Variants in ESR1 observed in about 807,000 individuals in gnomAD.
ESR1 encodes the protein estrogen receptor.
ESR1 carries 12 observed loss-of-function variants against 52.7 expected under a neutral mutation model. That is an observed-to-expected ratio of 0.23 (90% CI 0.15 to 0.37). The LOEUF (loss-of-function observed/expected upper bound fraction) is 0.37, where lower values mean the gene tolerates loss of function less well. ESR1 is among the 10% of genes least tolerant of loss of function. The pLI is 1.00. For missense variants in ESR1, 584 were observed against 779.7 expected (o/e 0.75, Z 2.99); for synonymous variants, 305 against 316.8 (o/e 0.96, Z 0.39).
intron 2 of ESR1, among the ~76,000 whole-genome samples, chr6:151,766,845 A>G (rs951138000): frequency 4.6e-5 from 7 of 152,192 alleles, no homozygotes; most frequent in Admixed American, 4.6e-4. Context: ...TACTTACATT[A>G]CCTTCTGTAA....
At chr6:151,922,047 A>C (rs2031797359) in intron 3 of ESR1, among the ~76,000 whole-genome samples, 1 of 152,080 alleles carries the variant, frequency 6.6e-6, no homozygotes, top group Non-Finnish European at 1.5e-5. Flanking sequence ...ATTTTCTTCT[A>C]GGGGACTTCA....
At chr6:151,697,400 T>C (rs954556880) in intron 1 of ESR1, among the ~76,000 whole-genome samples, 12 of 152,360 alleles carry the variant, frequency 7.9e-5, no homozygotes, top group African/African-American at 2.9e-4. Flanking sequence ...GTGCCCCATC[T>C]TCCTAACTGT....
At chr6:151,928,612 GT>G (rs1246291662) in intron 3 of ESR1, among the ~76,000 whole-genome samples, 8 of 151,692 alleles carry the variant, frequency 5.3e-5, no homozygotes, top group East Asian at 3.9e-4. Context: ...AGCTTATCTA[GT>G]TTTTTTCTTC....
intron 3 of ESR1, among the ~76,000 whole-genome samples, chr6:151,896,286 G>A (rs1795495863): frequency 6.6e-6 from 1 of 152,190 alleles, no homozygotes; most frequent in South Asian, 2.1e-4. Context: ...GTGTCTGGTA[G>A]AATTCAGCTG....
intron 2 of ESR1, among the ~76,000 whole-genome samples, chr6:151,730,857 T>C (rs890288590): frequency 6.6e-6 from 1 of 152,210 alleles, no homozygotes; most frequent in African/African-American, 2.4e-5. Flanking sequence ...TTTTGCATGA[T>C]TTTTAATATG....
At chr6:151,809,785 CTT>C (rs1778510856) in intron 1 of ESR1, among the ~76,000 whole-genome samples, 1 of 152,098 alleles carries the variant, frequency 6.6e-6, no homozygotes, top group Non-Finnish European at 1.5e-5. Flanking sequence ...ATGAACAAAA[CTT>C]TTAAAGGTTG....
chr6:152,039,977 A>T (rs1416062389), intron 5 of ESR1, among the ~76,000 whole-genome samples: 1 of 152,140 alleles, frequency 6.6e-6, no homozygotes, highest in African/African-American at 2.4e-5. Flanking sequence ...AAGTCCATGG[A>T]TGGTAGTCTT....
chr6:151,830,875 T>C (rs947324486), intron 1 of ESR1, among the ~76,000 whole-genome samples: 2 of 152,180 alleles, frequency 1.3e-5, no homozygotes, highest in Non-Finnish European at 2.9e-5. Context: ...TCTTTGTGCA[T>C]AAAGAATTTC....
chr6:151,871,393 A>G (rs966280111), intron 2 of ESR1, among the ~76,000 whole-genome samples: 6 of 151,720 alleles, frequency 4.0e-5, no homozygotes, highest in Non-Finnish European at 8.8e-5. Flanking sequence ...GAAGCTCTGT[A>G]CTTATTTTTT....
At chr6:152,067,387 A>G (rs1268083813) in intron 6 of ESR1, among the ~76,000 whole-genome samples, 2 of 152,222 alleles carry the variant, frequency 1.3e-5, no homozygotes. Flanking sequence ...GCCATTTTCC[A>G]TTCACATTCA....
chr6:152,024,624 A>G (rs2043968540), intron 5 of ESR1, among the ~76,000 whole-genome samples: 1 of 148,630 alleles, frequency 6.7e-6, no homozygotes, highest in African/African-American at 2.4e-5. Flanking sequence ...TGCCACGTGC[A>G]GGGTTAAAAA....
chr6:151,686,839 G>A (rs1778709320), upstream of ESR1, among the ~76,000 whole-genome samples: 2 of 152,106 alleles, frequency 1.3e-5, no homozygotes. Flanking sequence ...TGGTAATAAG[G>A]GCTATAGAAG....
chr6:152,020,394 A>G (rs968437507), intron 5 of ESR1, among the ~76,000 whole-genome samples: 25 of 152,088 alleles, frequency 1.6e-4, no homozygotes, highest in African/African-American at 5.6e-4. Flanking sequence ...ACCAATGCCA[A>G]TGTGTTAGTA....
chr6:151,757,229 C>T (rs1294829534), intron 2 of ESR1, among the ~76,000 whole-genome samples: 3 of 78,222 alleles, frequency 3.8e-5, no homozygotes, highest in Admixed American at 1.3e-4. Context: ...GCTATTTTAA[C>T]GTTCCATTAA....
chr6:151,930,661 A>G (rs2033457870), intron 3 of ESR1, among the ~76,000 whole-genome samples: 1 of 152,032 alleles, frequency 6.6e-6, no homozygotes, highest in Non-Finnish European at 1.5e-5. Context: ...CAAGTTTCTG[A>G]CTTATATCAC....
At chr6:151,668,223 A>G (rs1777898203) in intron 1 of ESR1, among the ~76,000 whole-genome samples, 1 of 152,242 alleles carries the variant, frequency 6.6e-6, no homozygotes, top group Admixed American at 6.5e-5. Context: ...TCCAGAGGAC[A>G]GGAACACTGT....
chr6:151,946,229 G>C (rs1770297986), intron 4 of ESR1, among the ~76,000 whole-genome samples: 1 of 152,122 alleles, frequency 6.6e-6, no homozygotes. Flanking sequence ...CTTGGTTGCT[G>C]TTCAGTTTTA....
chr6:151,832,144 A>G (rs936045154), intron 1 of ESR1, among the ~76,000 whole-genome samples: 2 of 152,250 alleles, frequency 1.3e-5, no homozygotes, highest in African/African-American at 2.4e-5. Context: ...TCAGATAAAC[A>G]GTATAAAAGA....
intron 5 of ESR1, among the ~76,000 whole-genome samples, chr6:152,056,003 C>T (rs2047071237): frequency 6.6e-6 from 1 of 152,190 alleles, no homozygotes; most frequent in South Asian, 2.1e-4. Flanking sequence ...TTCAGACACA[C>T]AGAGTTTAAG....
Sources: gnomAD v4.1 joint callset for allele counts (sites outside exome capture counted in the v4.1 genomes callset) on GRCh38, gnomAD v4.1.1 for gene constraint, MANE v1.5 for transcripts, NCBI Gene and HGNC (gene_info 2026-07-23, HGNC 2026-07-21) for gene names.